The following CCDC80 variants were observed in gnomAD, a reference collection of about 807,000 sequenced individuals.
The protein encoded by CCDC80 is coiled-coil domain containing 80.
CCDC80 carries 49 observed loss-of-function variants against 78.7 expected under a neutral mutation model. The ratio of observed to expected loss-of-function variants is 0.62; its 90% CI spans 0.50 to 0.79. The LOEUF is 0.79. Among genes scored for constraint, CCDC80 ranks in the 30% least tolerant of loss-of-function variants. The pLI is 0.00. For missense variants in CCDC80, 1,205 were observed against 1,198.6 expected, an observed-to-expected ratio of 1.01 and a Z score of -0.08; for synonymous variants, 488 against 447.0, an observed-to-expected ratio of 1.09 and a Z score of -1.16.
At position 112,605,701 on chromosome 3, in the gene CCDC80, A is replaced by G. The variant is rs1935472132; in HGVS notation, c.2569T>C (p.Phe857Leu). The G allele has an allele frequency of 1.2e-6, 2 of 1,614,242 alleles. No homozygotes were observed. The highest frequency in any genetic ancestry group is 4.5e-5 in the East Asian group (2 of 44,892). ...AHLVKDIRNY[F>L]QVSPEYFSML... ...GAGAAGTACTCCGGGCTCACTTGAAAATAGTTACGAATGTCTTTCACCAAA... is the reference window on the plus strand; with the variant it reads ...GAGAAGTACTCCGGGCTCACTTGAAGATAGTTACGAATGTCTTTCACCAAA... Residue 857 changes from phenylalanine (F) to leucine (L), a missense_variant, in exon 8 of 8, where the codon TTT becomes CTT. By Grantham distance (22) the Phe-to-Leu change is conservative. Coordinates refer to ENST00000206423, the MANE Select transcript of CCDC80 (RefSeq NM_199511.3).
In CCDC80 at chr3:112,639,607, G is replaced by T; in HGVS notation, c.299C>A (p.Ala100Asp). Residue 100 changes from alanine (A) to aspartate (D), a missense_variant, in exon 2 of 8, where the codon GCC (alanine) becomes GAC (aspartate). Physicochemically the swap from Ala to Asp is moderately radical, Grantham distance 126. Coordinates refer to ENST00000206423, the MANE Select transcript of CCDC80 (RefSeq NM_199511.3). ...TGGTCTTTGCTCAGGTCTCACGGCG[G>T]CCCCATTGATGTCCGAGCGGGCTGG... is the stretch of plus-strand genomic sequence containing the variant. ...EPPARSDING[A>D]AVRPEQRPAA... 2 of 1,614,138 alleles carry T rather than the reference G, an allele frequency of 1.2e-6. No individual in the cohort carries two copies. The highest frequency in any genetic ancestry group is 2.2e-5 in the South Asian group (2 of 91,084).
chr3:112,621,601 G>A (rs1408375592), intron 3 of CCDC80, among the ~76,000 whole-genome samples: 2 of 152,182 alleles, frequency 1.3e-5, no homozygotes, highest in Non-Finnish European at 2.9e-5. Context: ...ACTGAATATA[G>A]ACATTATCTG....
chr3:112,607,009 A>G (rs915618509), intron 7 of CCDC80, among the ~76,000 whole-genome samples, 167 bp downstream of exon 7: 7 of 152,186 alleles, frequency 4.6e-5, no homozygotes, highest in Admixed American at 3.3e-4. Flanking sequence ...CCCTTCCCCT[A>G]CATATCCCGT....
At chr3:112,614,148 A>G (rs1230985072) in intron 5 of CCDC80, among the ~76,000 whole-genome samples, 1 of 152,178 alleles carries the variant, frequency 6.6e-6, no homozygotes, top group African/African-American at 2.4e-5. Context: ...AATAATTGAA[A>G]GAAATGTATT....
rs570211112 is a variant in CCDC80 at position 112,633,563 on chromosome 3, T to C, written c.1879-3294A>G. ...AAATGCTGGCCAACACTCCTCCGGT[T>C]ATATAGATCACCCTAGTCAGAGGAG... is the stretch of plus-strand genomic sequence containing the variant. On this transcript the variant is annotated intron_variant, in intron 2 of 7. Transcript: ENST00000206423. 2.6e-5 allele frequency among the ~76,000 whole-genome samples: 4 copies of C among 152,288 alleles called. No individual in the cohort carries two copies. The East Asian group carries it at 7.7e-4, about 29-fold the overall frequency.
rs1936291483 is a variant in CCDC80 at position 112,639,397 on chromosome 3, A to T, written c.509T>A (p.Leu170Gln). 6.2e-7 allele frequency: 1 copy of T among 1,614,044 alleles called. No homozygotes were observed. Among genetic ancestry groups the T allele is most frequent in the Admixed American group, 1.7e-5 (1 of 59,998 alleles). Residue 170 changes from leucine to glutamine, a missense_variant, in exon 2 of 8, where the codon CTG becomes CAG. Physicochemically the swap from Leu to Gln is moderately radical, Grantham distance 113. Coordinates refer to ENST00000206423, the MANE Select transcript of CCDC80 (RefSeq NM_199511.3). ...CTCACAGTACACATCGTCCTTCAGCAGGCTCATCATGAGGCGGTAGTAGCC... is the reference window on the plus strand; with the variant it reads ...CTCACAGTACACATCGTCCTTCAGCTGGCTCATCATGAGGCGGTAGTAGCC... ...SEGYYRLMMSLLKDDVYCELA... is the reference protein window; with the variant it reads ...SEGYYRLMMSQLKDDVYCELA...
At position 112,599,252 on chromosome 3, in the gene CCDC80, T is replaced by G. The variant is rs1276727711; in HGVS notation, c.*6165A>C. The G allele has an allele frequency of 1.3e-5, 2 of 152,174 alleles. No individual in the cohort carries two copies. Among genetic ancestry groups the G allele is most frequent in the Non-Finnish European group, 2.9e-5 (2 of 68,048 alleles). 9.4% of individuals were successfully genotyped at this position (152,174 alleles called of 1,614,324 possible). On this transcript the variant is annotated 3_prime_UTR_variant, in exon 8 of 8. Transcript: ENST00000206423. Reference sequence around the variant, plus strand: ...CATGATACCCATTTCTGTGTATCATTTCATTGATTTCTGTGACAGCTGGCC... The same window carrying G: ...CATGATACCCATTTCTGTGTATCATGTCATTGATTTCTGTGACAGCTGGCC...
chr3:112,639,210 C>G lies in CCDC80; in HGVS notation c.696G>C (p.Lys232Asn). ...LMSFLKLEKG[K>N]FGMVLLKKTL... is the part of the protein sequence containing the mutation. ...TCTTCTTCAGCAGCACCATGCCAAA[C>G]TTGCCCTTCTCCAGCTTCAGGAAGC... Residue 232 changes from lysine (K) to asparagine (N), a missense_variant, in exon 2 of 8, where the codon AAG becomes AAC. Physicochemically the swap from Lys to Asn is moderately conservative, Grantham distance 94 (BLOSUM62 0). Transcript: ENST00000206423. The G allele has an allele frequency of 6.2e-7, 1 of 1,614,202 alleles. No homozygotes were observed. The highest frequency in any genetic ancestry group is 8.5e-7 in the Non-Finnish European group (1 of 1,180,030).
At position 112,604,173 on chromosome 3, in the gene CCDC80, A is replaced by C. The variant is rs1229822037; in HGVS notation, c.*1244T>G. The C allele has an allele frequency of 6.6e-6, 1 of 152,274 alleles. No individual in the cohort carries two copies. The highest frequency in any genetic ancestry group is 1.5e-5 in the Non-Finnish European group (1 of 68,050). The allele number at this position is 152,274 out of a possible 1,614,324, so 9.4% of individuals were successfully genotyped here. A position where few individuals can be genotyped will look rare whatever the true frequency, so the allele number is the denominator to read the frequency against. ...GACAACAAAGGATTTACAACATTAC[A>C]TAAATTTCATTAATAAAGCAGCAAC... is the stretch of plus-strand genomic sequence containing the variant. On this transcript the variant is annotated 3_prime_UTR_variant, in exon 8 of 8. Transcript: ENST00000206423.
Position 112,597,183 on chromosome 3 carries a change from T to G in CCDC80, c.*8234A>C, listed in dbSNP as rs1156744742. 1.3e-5 allele frequency: 2 copies of G among 152,244 alleles called. No homozygotes were observed. The highest frequency in any genetic ancestry group is 2.9e-5 in the Non-Finnish European group (2 of 68,048). 9.4% of individuals were successfully genotyped at this position (152,244 alleles called of 1,614,324 possible). On this transcript the variant is annotated 3_prime_UTR_variant, in exon 8 of 8. Transcript: ENST00000206423. Reference sequence around the variant, plus strand: ...CCAAAGACAAAACTGGACATTCTGATGACCCCAGAGATTATGACAGTGTTT... The same window carrying G: ...CCAAAGACAAAACTGGACATTCTGAGGACCCCAGAGATTATGACAGTGTTT...
At chr3:112,623,825 A>G (rs1238929661) in intron 3 of CCDC80, among the ~76,000 whole-genome samples, 1 of 152,114 alleles carries the variant, frequency 6.6e-6, no homozygotes, top group Non-Finnish European at 1.5e-5. Flanking sequence ...CCACATGAGT[A>G]CTTCTTATTG....
Position 112,638,330 on chromosome 3 carries a change from C to A in CCDC80, c.1576G>T (p.Val526Leu). ...GCTTTTTTAAGGGGAACATTCCCCA[C>A]CTGCAGCTCGTCCTCCAGCTGAGAG... Reference protein sequence around the residue: ...TASQLEDELQVGNVPLKKAKE... With the variant: ...TASQLEDELQLGNVPLKKAKE... Residue 526 changes from valine to leucine, a missense_variant, in exon 2 of 8, where the codon GTG becomes TTG. Transcript: ENST00000206423. 6.2e-7 allele frequency: 1 copy of A among 1,614,196 alleles called. No individual in the cohort carries two copies.
Position 112,639,355 on chromosome 3 carries a change from A to G in CCDC80, c.551T>C (p.Ile184Thr), listed in dbSNP as rs374211045. ...CTGGTGGAAGAGCACAATCTGTTGGATGTGCCTCTCCGCCAGCTCACAGTA... is the reference window on the plus strand; with the variant it reads ...CTGGTGGAAGAGCACAATCTGTTGGGTGTGCCTCTCCGCCAGCTCACAGTA... The part of the protein sequence containing the change: ...DVYCELAERH[I>T]QQIVLFHQAG... Residue 184 changes from isoleucine to threonine, a missense_variant, in exon 2 of 8, where the codon ATC becomes ACC. Transcript: ENST00000206423. 2 of 1,613,934 alleles carry G rather than the reference A, an allele frequency of 1.2e-6. No homozygotes were observed. The highest frequency in any genetic ancestry group is 1.7e-6 in the Non-Finnish European group (2 of 1,180,008).
In CCDC80 at chr3:112,638,501, C is replaced by T. The variant is rs1313856432; in HGVS notation, c.1405G>A (p.Asp469Asn). Residue 469 changes from aspartate to asparagine, a missense_variant, in exon 2 of 8, where the codon GAC becomes AAC. Physicochemically the swap from Asp to Asn is conservative, Grantham distance 23. Transcript: ENST00000206423. ...TCTCGGTGGCCATGTTCCCGCCTGT[C>T]CATGCGGTTGTCCCGGAAACGGCCT... ...GPGRFRDNRM[D>N]RREHGHRDPN... 10 of 1,612,358 alleles carry T rather than the reference C, an allele frequency of 6.2e-6. No homozygotes were observed. Among genetic ancestry groups the T allele is most frequent in the African/African-American group, 2.7e-5 (2 of 74,268 alleles).
intron 3 of CCDC80, among the ~76,000 whole-genome samples, chr3:112,629,570 G>A (rs57857505): frequency 6.6e-6 from 1 of 152,156 alleles, no homozygotes; most frequent in African/African-American, 2.4e-5. Context: ...TCTAAATTCA[G>A]CCAAATTCTT....
At chr3:112,620,289 A>G (rs1935836889) in intron 3 of CCDC80, among the ~76,000 whole-genome samples, 1 of 152,240 alleles carries the variant, frequency 6.6e-6, no homozygotes, top group Admixed American at 6.5e-5. Context: ...GAGGGGAAAG[A>G]ATCAATCTGT....
chr3:112,627,235 T>C (rs754484281), intron 3 of CCDC80, among the ~76,000 whole-genome samples: 1 of 152,202 alleles, frequency 6.6e-6, no homozygotes, highest in African/African-American at 2.4e-5. Flanking sequence ...ACACCCAACA[T>C]TCCTATCCTA....
At chr3:112,629,274 T>G (rs184391587) in intron 3 of CCDC80, among the ~76,000 whole-genome samples, 1 of 151,712 alleles carries the variant, frequency 6.6e-6, no homozygotes, top group Non-Finnish European at 1.5e-5. Flanking sequence ...AAAGGATTAC[T>G]CTAAGGTTTT....
chr3:112,633,760 T>C (rs1443140487), intron 2 of CCDC80, among the ~76,000 whole-genome samples: 1 of 152,192 alleles, frequency 6.6e-6, no homozygotes, highest in African/African-American at 2.4e-5. Flanking sequence ...AGGGACTCTT[T>C]CCCTATGTTT....
Sources: allele counts gnomAD v4.1 joint callset (sites outside exome capture counted in the v4.1 genomes callset), GRCh38; gene constraint gnomAD v4.1.1; transcripts MANE v1.5; gene names NCBI Gene and HGNC (gene_info 2026-07-23, HGNC 2026-07-21).